Variants in CLNK observed in about 807,000 individuals in gnomAD.
The protein encoded by CLNK is cytokine-dependent hematopoietic cell linker.
Under a neutral mutation model 68.6 loss-of-function variants are expected in CLNK, and 74 were observed. That is an observed-to-expected ratio of 1.08 (90% CI 0.89 to 1.31). CLNK has a LOEUF of 1.31. Among genes scored for constraint, CLNK ranks in the 50% most tolerant of loss-of-function variants. The pLI is 0.00. For missense variants in CLNK, 553 were observed against 515.3 expected (o/e 1.07, Z -0.71); for synonymous variants, 198 against 172.2 (o/e 1.15, Z -1.17).
intron 2 of CLNK, among the ~76,000 whole-genome samples, chr4:10,601,670 C>T (rs1236111488): frequency 1.3e-5 from 2 of 152,194 alleles, no homozygotes; most frequent in African/African-American, 4.8e-5. Context: ...CCCAAGTTGG[C>T]TACCCCACCT....
At chr4:10,648,397 T>C (rs1473032228) in intron 2 of CLNK, among the ~76,000 whole-genome samples, 18 of 152,194 alleles carry the variant, frequency 1.2e-4, no homozygotes, top group Admixed American at 1.2e-3. Context: ...CAATGCCACA[T>C]ATTTCTCATG....
intron 8 of CLNK, among the ~76,000 whole-genome samples, chr4:10,543,623 C>T (rs937098768): frequency 2.6e-5 from 4 of 152,168 alleles, no homozygotes; most frequent in African/African-American, 7.2e-5. Context: ...GTTTAGATTC[C>T]CCTTGGTGAA....
chr4:10,610,339 C>T (rs1482963932), intron 2 of CLNK, among the ~76,000 whole-genome samples: 5 of 149,784 alleles, frequency 3.3e-5, no homozygotes, highest in South Asian at 4.2e-4. Context: ...CCACCGCGCC[C>T]GGCCCGTTTT....
At chr4:10,566,844 G>A (rs796236397) in intron 5 of CLNK, among the ~76,000 whole-genome samples, 13 of 152,028 alleles carry the variant, frequency 8.6e-5, no homozygotes, top group African/African-American at 2.7e-4. Context: ...AAAAGAAAAC[G>A]ATTATATTAG....
At chr4:10,587,605 C>T (rs28750071) in intron 3 of CLNK, among the ~76,000 whole-genome samples, 8 of 152,280 alleles carry the variant, frequency 5.3e-5, no homozygotes, top group South Asian at 4.1e-4. Flanking sequence ...CAGGAGACCA[C>T]GGTCTACAAG....
intron 6 of CLNK, among the ~76,000 whole-genome samples, chr4:10,565,149 A>G (rs1213140132): frequency 6.6e-6 from 1 of 151,968 alleles, no homozygotes; most frequent in African/African-American, 2.4e-5. Context: ...TATCACATTC[A>G]TCGGTTGAGC....
intron 11 of CLNK, among the ~76,000 whole-genome samples, chr4:10,535,342 G>T (rs574531558): frequency 6.6e-6 from 1 of 152,150 alleles, no homozygotes; most frequent in South Asian, 2.1e-4. Context: ...TTATATTTTG[G>T]CTGAACCCTG....
chr4:10,514,176 A>C (rs1420653137), intron 15 of CLNK, among the ~76,000 whole-genome samples: 76 of 143,440 alleles, frequency 5.3e-4, no homozygotes, highest in Non-Finnish European at 1.1e-3. Context: ...TGTCCCTACA[A>C]AGGACATGAA....
intron 8 of CLNK, among the ~76,000 whole-genome samples, chr4:10,557,663 C>G (rs766276276): frequency 6.6e-6 from 1 of 152,196 alleles, no homozygotes; most frequent in Non-Finnish European, 1.5e-5. Context: ...CTTAAATTAT[C>G]CTAATTTGAG....
intron 4 of CLNK, among the ~76,000 whole-genome samples, chr4:10,575,335 C>T (rs1720520139): frequency 6.6e-6 from 1 of 152,228 alleles, no homozygotes; most frequent in Non-Finnish European, 1.5e-5. Flanking sequence ...TTGCACACAC[C>T]ATCCCTCTGT....
At chr4:10,499,925 A>G (rs1388995470) in intron 18 of CLNK, among the ~76,000 whole-genome samples, 1 of 152,106 alleles carries the variant, frequency 6.6e-6, no homozygotes, top group Non-Finnish European at 1.5e-5. Context: ...TTTAACCTTA[A>G]TTACCTCTTT....
the CLNK span, among the ~76,000 whole-genome samples, chr4:10,689,955 A>G: frequency 1.2e-3 from 176 of 151,848 alleles, 2 homozygotes; most frequent in African/African-American, 4.0e-3. Flanking sequence ...GAGCCTCCCC[A>G]CAATTAGCTG....
chr4:10,496,627 T>C (rs897381734), intron 18 of CLNK, among the ~76,000 whole-genome samples: 1 of 152,202 alleles, frequency 6.6e-6, no homozygotes, highest in African/African-American at 2.4e-5. Flanking sequence ...TTGCTTGTAT[T>C]TGCCATGGTG....
At chr4:10,501,807 A>G (rs961981673) in intron 17 of CLNK, among the ~76,000 whole-genome samples, 5 of 152,174 alleles carry the variant, frequency 3.3e-5, no homozygotes, top group African/African-American at 1.2e-4. Flanking sequence ...GGCGCCTGTA[A>G]TCCCAGCTAC....
chr4:10,493,526 G>A (rs1716681678), intron 18 of CLNK, among the ~76,000 whole-genome samples: 1 of 152,094 alleles, frequency 6.6e-6, no homozygotes, highest in Admixed American at 6.6e-5. Flanking sequence ...TCTCATCTGT[G>A]AGGGCTCCAC....
At chr4:10,619,493 C>A (rs1722347089) in intron 2 of CLNK, among the ~76,000 whole-genome samples, 1 of 151,986 alleles carries the variant, frequency 6.6e-6, no homozygotes, top group South Asian at 2.1e-4. Context: ...TCCCAAAGCA[C>A]CTTGGCTGCT....
rs57053319 is a variant in CLNK at position 10,535,213 on chromosome 4, GAGAAAGAAAGAA to G, written c.603-2942_603-2931del. ...TACTTAAAAAAAAGAAAGAAAGAAA[GAGAAAGAAAGAA>G]AGAAAGAAAGAAAGAAAGAAAGAAA... On this transcript the variant is annotated intron_variant, in intron 11 of 18. Coordinates refer to ENST00000226951, the MANE Select transcript of CLNK (RefSeq NM_052964.4). Among the ~76,000 whole-genome samples, 878 of 131,378 alleles carry G rather than the reference GAGAAAGAAAGAA, an allele frequency of 6.7e-3. 11 individuals carry two copies. Among genetic ancestry groups the G allele is most frequent in the South Asian group, 0.029 (111 of 3,770 alleles). The allele number at this position is 131,378 out of a possible 152,430, so 86.2% of individuals were successfully genotyped here.
At chr4:10,597,594 G>A (rs1351055686) in intron 3 of CLNK, among the ~76,000 whole-genome samples, 1 of 152,142 alleles carries the variant, frequency 6.6e-6, no homozygotes, top group Non-Finnish European at 1.5e-5. Context: ...GCTCTCTCTT[G>A]TCTGCTTGCT....
intron 2 of CLNK, among the ~76,000 whole-genome samples, chr4:10,649,653 C>A (rs953756967): frequency 6.6e-6 from 1 of 152,100 alleles, no homozygotes; most frequent in Admixed American, 6.6e-5. Context: ...AACATTGATA[C>A]TTAAGGGACA....
Sources: allele counts gnomAD v4.1 joint callset (sites outside exome capture counted in the v4.1 genomes callset), GRCh38; gene constraint gnomAD v4.1.1; transcripts MANE v1.5; gene names NCBI Gene and HGNC (gene_info 2026-07-23, HGNC 2026-07-21).